The following PRDM13 variants were observed in gnomAD, a reference collection of about 807,000 sequenced individuals.
PRDM13 encodes PR domain zinc finger protein 13.
Under a neutral mutation model 36.4 loss-of-function variants are expected in PRDM13, and 15 were observed. That is an observed-to-expected ratio of 0.41 (90% CI 0.28 to 0.64). The LOEUF is 0.64. Among genes scored for constraint, PRDM13 ranks in the 30% least tolerant of loss-of-function variants. The pLI, the probability that PRDM13 is intolerant of heterozygous loss-of-function variation, is 0.29. For missense variants in PRDM13, 1,044 were observed against 1,013.5 expected, an observed-to-expected ratio of 1.03 and a Z score of -0.41; for synonymous variants, 531 against 467.7, an observed-to-expected ratio of 1.14 and a Z score of -1.75.
chr6:99,609,051 G>A (rs2114496674), intron 2 of PRDM13, 136 bp from the exon 3 acceptor site: 2 of 1,386,566 alleles, frequency 1.4e-6, no homozygotes, highest in Non-Finnish European at 1.9e-6. Flanking sequence ...GATGACGGAA[G>A]TGAGGTTCAG....
Position 99,607,038 on chromosome 6 carries a change from C to T in PRDM13, c.4C>T (p.His2Tyr). 6.2e-7 allele frequency: 1 copy of T among 1,609,352 alleles called. No individual in the cohort carries two copies. Among genetic ancestry groups the T allele is most frequent in the Non-Finnish European group, 8.5e-7 (1 of 1,177,938 alleles). The part of the protein sequence containing the change: M[H>Y]GAARAPATSV... ...CTGCCTGGTGGCGGCGGCAACAATG[C>T]ACGGAGCCGCCAGAGCGCCAGCCAC... Residue 2 changes from histidine to tyrosine, a missense_variant, in exon 1 of 4, where the codon CAC becomes TAC. By Grantham distance (83) the His-to-Tyr change is moderately conservative. Coordinates refer to ENST00000369215, the MANE Select transcript of PRDM13 (RefSeq NM_021620.4).
intron 3 of PRDM13, among the ~76,000 whole-genome samples, chr6:99,610,751 A>T (rs754785747): frequency 7.2e-5 from 11 of 152,220 alleles, no homozygotes; most frequent in Non-Finnish European, 1.5e-4. Context: ...AGAACTCTCA[A>T]ATCTGCCACT....
At chr6:99,607,828 G>C (rs1049660851) in intron 1 of PRDM13, among the ~76,000 whole-genome samples, 17 of 152,198 alleles carry the variant, frequency 1.1e-4, no homozygotes, top group East Asian at 1.9e-4. Flanking sequence ...CGTCTGCAGC[G>C]GGGCTCTGAG....
At position 99,615,033 on chromosome 6, in the gene PRDM13, A is replaced by C. The variant is rs1770111111; in HGVS notation, c.*274A>C. 3 of 500,220 alleles carry C rather than the reference A, an allele frequency of 6.0e-6. No homozygotes were observed. Among genetic ancestry groups the C allele is most frequent in the Non-Finnish European group, 1.0e-5 (3 of 287,478 alleles). 31.0% of individuals were successfully genotyped at this position (500,220 alleles called of 1,614,324 possible). ...GCCTCTGGACTTCTTGGATGAGCTC[A>C]CCCTGAACCGCCCAGGCGGTCTGCT... On this transcript the variant is annotated 3_prime_UTR_variant, in exon 4 of 4. Transcript: ENST00000369215.
In PRDM13 at chr6:99,613,236, G is replaced by A. The variant is rs1374353887; in HGVS notation, c.601G>A (p.Ala201Thr). The A allele has an allele frequency of 6.2e-7, 1 of 1,610,702 alleles. No individual in the cohort carries two copies. Among genetic ancestry groups the A allele is most frequent in the Non-Finnish European group, 8.5e-7 (1 of 1,179,370 alleles). Residue 201 changes from alanine (A) to threonine (T), a missense_variant, in exon 4 of 4, where the codon GCG (alanine) becomes ACG (threonine). Transcript: ENST00000369215. This position sits in a 1 kb window ranked among gnomAD's most constrained non-coding sequence, Gnocchi z 6.1. ...AAAACCCCCGGCGCCCGATTTCGCC[G>A]CGCCTTCCCAGGCAGGAACTTTGCG... ...SPKPPAPDFA[A>T]PSQAGTLRPH... is the part of the protein sequence containing the mutation.
In PRDM13 at chr6:99,608,794, G is replaced by A; in HGVS notation, c.198G>A (p.Glu66=). 1 of 1,613,700 alleles carries A rather than the reference G, an allele frequency of 6.2e-7. No homozygotes were observed. Among genetic ancestry groups the A allele is most frequent in the Non-Finnish European group, 8.5e-7 (1 of 1,179,860 alleles). ...LVDESGGSPL[E]WIGLIRAARN... ...ACGAGTCGGGGGGCTCCCCTCTGGA[G>A]TGGATAGGGTTAATCCGGGCAGCCA... The change falls in exon 2 of 4, where the codon GAG becomes GAA. Residue 66 remains glutamate, a synonymous_variant. Transcript: ENST00000369215.
rs749242688 is a variant in PRDM13 at position 99,613,877 on chromosome 6, G to T, written c.1242G>T (p.Ala414=). 1 of 1,527,784 alleles carries T rather than the reference G, an allele frequency of 6.5e-7. No individual in the cohort carries two copies. The highest frequency in any genetic ancestry group is 2.6e-5 in the East Asian group (1 of 37,736). The allele number at this position is 1,527,784 out of a possible 1,614,324, so 94.6% of individuals were successfully genotyped here. Residue 414 remains alanine, a synonymous_variant, in exon 4 of 4, where the codon GCG becomes GCT. Coordinates refer to ENST00000369215, the MANE Select transcript of PRDM13 (RefSeq NM_021620.4). The surrounding 1 kb of genome is among the most constrained non-coding windows in gnomAD (Gnocchi z 6.1). ...AGCGCGCCCCGCCCGCAGCCGCCGC[G>T]CTGCCAGGAGCGCGTTATGCGCAGC... ...HVERAPPAAA[A]LPGARYAQLP...
chr6:99,608,379 T>C (rs968048552), intron 1 of PRDM13, among the ~76,000 whole-genome samples: 1 of 152,172 alleles, frequency 6.6e-6, no homozygotes, highest in African/African-American at 2.4e-5. Flanking sequence ...TAGAAATGTC[T>C]CTACCGTGGT....
Position 99,613,643 on chromosome 6 carries a change from C to A in PRDM13, c.1008C>A (p.Cys336Ter). Reference sequence around the variant, plus strand: ...GGCTGCTGGGCGGGGGCCGGGCGTGCGGGCGCCCCGGGAGCGGGGAGAACT... The same window carrying A: ...GGCTGCTGGGCGGGGGCCGGGCGTGAGGGCGCCCCGGGAGCGGGGAGAACT... Reference protein sequence around the residue: ...LGRLLGGGRACGRPGSGENSA... With the variant: ...LGRLLGGGRA The change falls in exon 4 of 4, where the codon TGC (cysteine) becomes TGA (stop). Residue 336 changes from cysteine to a stop codon, truncating the protein, a stop_gained. Coordinates refer to ENST00000369215, the MANE Select transcript of PRDM13 (RefSeq NM_021620.4). LOFTEE classifies it high-confidence loss of function. This position sits in a 1 kb window ranked among gnomAD's most constrained non-coding sequence, Gnocchi z 6.1. The A allele has an allele frequency of 7.0e-7, 1 of 1,430,558 alleles. No individual in the cohort carries two copies. The highest frequency in any genetic ancestry group is 9.0e-7 in the Non-Finnish European group (1 of 1,107,198). 88.6% of individuals were successfully genotyped at this position (1,430,558 alleles called of 1,614,324 possible).
rs183537963 is a variant in PRDM13 at position 99,613,244 on chromosome 6, C to T, written c.609C>T (p.Ser203=). The change falls in exon 4 of 4, where the codon TCC becomes TCT. Residue 203 remains serine (S), a synonymous_variant. Coordinates refer to ENST00000369215, the MANE Select transcript of PRDM13 (RefSeq NM_021620.4). This position sits in a 1 kb window ranked among gnomAD's most constrained non-coding sequence, Gnocchi z 6.1. Reference sequence around the variant, plus strand: ...CGGCGCCCGATTTCGCCGCGCCTTCCCAGGCAGGAACTTTGCGACCCCACC... The same window carrying T: ...CGGCGCCCGATTTCGCCGCGCCTTCTCAGGCAGGAACTTTGCGACCCCACC... ...KPPAPDFAAP[S]QAGTLRPHPL... The T allele has an allele frequency of 0.01, 16,567 of 1,610,380 alleles. 152 individuals carry two copies. Among genetic ancestry groups the T allele is most frequent in the South Asian group, 0.013 (1,195 of 90,752 alleles).
Position 99,613,330 on chromosome 6 carries a change from C to G in PRDM13, c.695C>G (p.Ser232Cys). The change falls in exon 4 of 4, where the codon TCT (serine) becomes TGT (cysteine). Residue 232 changes from serine to cysteine, a missense_variant. Around this residue, in one of 3 missense-constraint regions of PRDM13, gnomAD observed 921 missense variants for 865.2 expected, o/e 1.06. Transcript: ENST00000369215. The surrounding 1 kb of genome is among the most constrained non-coding windows in gnomAD (Gnocchi z 6.1). ...GAREGIKREA[S>C]SAPSATSPTP... ...CGGGAGGGCATCAAGCGCGAGGCCT[C>G]TTCCGCGCCCTCGGCCACCTCGCCG... 1 of 1,553,940 alleles carries G rather than the reference C, an allele frequency of 6.4e-7. No individual in the cohort carries two copies. Among genetic ancestry groups the G allele is most frequent in the Non-Finnish European group, 8.7e-7 (1 of 1,154,338 alleles).
In PRDM13 at chr6:99,608,803, G is replaced by A. The variant is rs1436652895; in HGVS notation, c.207G>A (p.Gly69=). Reference sequence around the variant, plus strand: ...GGGGCTCCCCTCTGGAGTGGATAGGGTTAATCCGGGCAGCCAGAAACTCCC... The same window carrying A: ...GGGGCTCCCCTCTGGAGTGGATAGGATTAATCCGGGCAGCCAGAAACTCCC... The part of the protein sequence containing the change: ...ESGGSPLEWI[G]LIRAARNSQE... Residue 69 remains glycine, a synonymous_variant, in exon 2 of 4, where the codon GGG becomes GGA. Transcript: ENST00000369215. The A allele has an allele frequency of 3.7e-6, 6 of 1,613,772 alleles. No homozygotes were observed. In the African/African-American group the frequency reaches 5.3e-5, roughly 14 times the overall value.
At position 99,606,914 on chromosome 6, in the gene PRDM13, C is replaced by A. The variant is rs1276790377; in HGVS notation, c.-121C>A. The A allele has an allele frequency of 6.0e-6, 8 of 1,324,010 alleles. No individual in the cohort carries two copies. The highest frequency in any genetic ancestry group is 2.6e-5 in the East Asian group (1 of 37,800). 82.0% of individuals were successfully genotyped at this position (1,324,010 alleles called of 1,614,324 possible). A position where few individuals can be genotyped will look rare whatever the true frequency, so the allele number is the denominator to read the frequency against. The stretch of plus-strand genomic sequence containing the variant: ...CAGTGCATGCCCGCCCGCGTCACTC[C>A]GCGGGCGGAGGACGCACGTCGGGGC... On this transcript the variant is annotated 5_prime_UTR_variant, in exon 1 of 4. Coordinates refer to ENST00000369215, the MANE Select transcript of PRDM13 (RefSeq NM_021620.4).
Position 99,613,226 on chromosome 6 carries a change from C to G in PRDM13, c.591C>G (p.Pro197=), listed in dbSNP as rs748677302. Residue 197 remains proline, a synonymous_variant, in exon 4 of 4, where the codon CCC becomes CCG. Transcript: ENST00000369215. The surrounding 1 kb of genome is among the most constrained non-coding windows in gnomAD (Gnocchi z 6.1). ...GLGLSPKPPA[P]DFAAPSQAGT... is the part of the protein sequence containing the mutation. Reference sequence around the variant, plus strand: ...GTCTCTCCCCAAAACCCCCGGCGCCCGATTTCGCCGCGCCTTCCCAGGCAG... The same window carrying G: ...GTCTCTCCCCAAAACCCCCGGCGCCGGATTTCGCCGCGCCTTCCCAGGCAG... The G allele has an allele frequency of 6.2e-7, 1 of 1,611,374 alleles. No homozygotes were observed. Among genetic ancestry groups the G allele is most frequent in the Non-Finnish European group, 8.5e-7 (1 of 1,179,546 alleles).
chr6:99,613,826 A>G lies in PRDM13; in HGVS notation c.1191A>G (p.Glu397=). 1 of 1,511,300 alleles carries G rather than the reference A, an allele frequency of 6.6e-7. No individual in the cohort carries two copies. The highest frequency in any genetic ancestry group is 8.8e-7 in the Non-Finnish European group (1 of 1,136,950). The allele number at this position is 1,511,300 out of a possible 1,614,324, so 93.6% of individuals were successfully genotyped here. A position where few individuals can be genotyped will look rare whatever the true frequency, so the allele number is the denominator to read the frequency against. Residue 397 remains glutamate, a synonymous_variant, in exon 4 of 4, where the codon GAA becomes GAG. Transcript: ENST00000369215. The surrounding 1 kb of genome is among the most constrained non-coding windows in gnomAD (Gnocchi z 6.1). ...RGFPLLSVPP[E]EASAFKHVER... ...TCCCTCTGCTCTCCGTCCCCCCGGA[A>G]GAGGCGTCCGCCTTCAAGCACGTGG...
Position 99,609,227 on chromosome 6 carries a change from A to G in PRDM13, c.317A>G (p.Glu106Gly). 1 of 1,613,446 alleles carries G rather than the reference A, an allele frequency of 6.2e-7. No individual in the cohort carries two copies. Among genetic ancestry groups the G allele is most frequent in the Non-Finnish European group, 8.5e-7 (1 of 1,179,476 alleles). The change falls in exon 3 of 4, where the codon GAG becomes GGG. Residue 106 changes from glutamate to glycine, a missense_variant. Glu to Gly is a moderately conservative substitution (Grantham distance 98). Around this residue, in one of 3 missense-constraint regions of PRDM13, gnomAD observed 921 missense variants for 865.2 expected, o/e 1.06. Transcript: ENST00000369215. ...TTGCGAGACGTCCAGCCAGGGGAGG[A>G]GCTGACAGTGTGGTATTCTAACTCC... ...RALRDVQPGE[E>G]LTVWYSNSLA...
intron 1 of PRDM13, among the ~76,000 whole-genome samples, chr6:99,607,838 G>GA (rs1173976812): frequency 3.3e-5 from 5 of 152,208 alleles, no homozygotes; most frequent in Admixed American, 2.6e-4. Flanking sequence ...GGGGCTCTGA[G>GA]AGTCCAGAGG....
chr6:99,614,058 G>T lies in PRDM13; in HGVS notation c.1423G>T (p.Ala475Ser), dbSNP rs1415389129. 2 of 1,607,042 alleles carry T rather than the reference G, an allele frequency of 1.2e-6. No individual in the cohort carries two copies. The highest frequency in any genetic ancestry group is 1.7e-6 in the Non-Finnish European group (2 of 1,177,734). ...YNGELLYGSP[A>S]TTAYYPLKLH... Reference sequence around the variant, plus strand: ...CGGGGAGCTGCTCTACGGCTCACCGGCCACCACCGCTTATTACCCGCTCAA... The same window carrying T: ...CGGGGAGCTGCTCTACGGCTCACCGTCCACCACCGCTTATTACCCGCTCAA... The change falls in exon 4 of 4, where the codon GCC becomes TCC. Residue 475 changes from alanine to serine, a missense_variant. By Grantham distance (99) the Ala-to-Ser change is moderately conservative. Coordinates refer to ENST00000369215, the MANE Select transcript of PRDM13 (RefSeq NM_021620.4).
intron 1 of PRDM13, 54 bp from the exon 2 acceptor site, chr6:99,608,687 G>A: frequency 6.5e-7 from 1 of 1,544,426 alleles, no homozygotes; most frequent in Admixed American, 1.9e-5. Flanking sequence ...CTTTCTGTTT[G>A]GGTTGTGGGC....
Sources: gnomAD v4.1 joint callset for allele counts (sites outside exome capture counted in the v4.1 genomes callset) on GRCh38, gnomAD v4.1.1 for gene constraint, gnomAD v4.1.1 regional missense constraint, Gnocchi (gnomAD v3.1) non-coding constraint, MANE v1.5 for transcripts, NCBI Gene and HGNC (gene_info 2026-07-23, HGNC 2026-07-21) for gene names.